PARVA: variants seen among roughly 807,000 people sequenced by gnomAD.
The protein encoded by PARVA is alpha-parvin.
A neutral mutation model predicts 52.6 loss-of-function variants in PARVA; 25 were observed. The ratio of observed to expected loss-of-function variants is 0.48; its 90% CI spans 0.35 to 0.66. The LOEUF (loss-of-function observed/expected upper bound fraction) is 0.66, where lower values mean the gene tolerates loss of function less well. PARVA is among the 30% of genes least tolerant of loss of function. The pLI is 0.01. For missense variants in PARVA, 373 were observed against 450.9 expected (o/e 0.83, Z 1.56); for synonymous variants, 185 against 179.1 (o/e 1.03, Z -0.26).
chr11:12,466,993 A>G (rs1264661048), intron 1 of PARVA, among the ~76,000 whole-genome samples: 1 of 152,220 alleles, frequency 6.6e-6, no homozygotes, highest in Non-Finnish European at 1.5e-5. Flanking sequence ...TTGAAATCTT[A>G]AGTTTTCCAG....
chr11:12,529,869 G>A lies in PARVA; in HGVS notation c.*1944G>A, dbSNP rs1357054313. ...AATACAATTCTTTTTTACATAATTAGTGAAATTTTATTTTTTATTAGGAAA... is the reference window on the plus strand; with the variant it reads ...AATACAATTCTTTTTTACATAATTAATGAAATTTTATTTTTTATTAGGAAA... On this transcript the variant is annotated 3_prime_UTR_variant, in exon 13 of 13. Coordinates refer to ENST00000334956, the MANE Select transcript of PARVA (RefSeq NM_018222.5). The A allele has an allele frequency of 6.6e-6, 1 of 152,070 alleles. No homozygotes were observed. Among genetic ancestry groups the A allele is most frequent in the Non-Finnish European group, 1.5e-5 (1 of 68,020 alleles). The allele number at this position is 152,070 out of a possible 1,614,324, so 9.4% of individuals were successfully genotyped here.
At chr11:12,517,313 A>ACCCCCCCCCCCCT (rs1405572031) in intron 10 of PARVA, among the ~76,000 whole-genome samples, 1 of 66,216 alleles carries the variant, frequency 1.5e-5, no homozygotes, top group Non-Finnish European at 3.2e-5. Flanking sequence ...ACCACCCCCC[A>ACCCCCCCCCCCCT]CCCCCCACCC....
At chr11:12,391,184 A>C (rs1939653214) in intron 1 of PARVA, among the ~76,000 whole-genome samples, 1 of 152,144 alleles carries the variant, frequency 6.6e-6, no homozygotes, top group Admixed American at 6.5e-5. Context: ...CCCAGATTTC[A>C]CACCTTGTAA....
chr11:12,402,786 G>A (rs984504857), intron 1 of PARVA, among the ~76,000 whole-genome samples: 1 of 152,176 alleles, frequency 6.6e-6, no homozygotes, highest in Non-Finnish European at 1.5e-5. Flanking sequence ...ACACACATAC[G>A]TAAGAAGGAG....
intron 5 of PARVA, among the ~76,000 whole-genome samples, chr11:12,502,308 T>G (rs562735980): frequency 1.3e-5 from 2 of 152,316 alleles, no homozygotes; most frequent in Admixed American, 6.5e-5. Context: ...CTTTTCTTAG[T>G]GATTTCTCAA....
intron 1 of PARVA, among the ~76,000 whole-genome samples, chr11:12,462,734 G>A (rs567363150): frequency 4.6e-5 from 7 of 152,262 alleles, no homozygotes; most frequent in African/African-American, 7.2e-5. Flanking sequence ...AAAGACCACC[G>A]AACTTTCAGT....
At chr11:12,446,143 C>G (rs1240959372) in intron 1 of PARVA, among the ~76,000 whole-genome samples, 2 of 152,064 alleles carry the variant, frequency 1.3e-5, no homozygotes, top group Non-Finnish European at 2.9e-5. Flanking sequence ...AACATGACAT[C>G]TAAAAACATA....
chr11:12,436,147 G>A (rs533966799), intron 1 of PARVA, among the ~76,000 whole-genome samples: 14 of 152,220 alleles, frequency 9.2e-5, no homozygotes, highest in Non-Finnish European at 1.8e-4. Context: ...AAAATAGATA[G>A]CAATATCTCC....
At chr11:12,499,815 T>G (rs890373204) in intron 5 of PARVA, among the ~76,000 whole-genome samples, 1 of 152,146 alleles carries the variant, frequency 6.6e-6, no homozygotes, top group Non-Finnish European at 1.5e-5. Context: ...ATTTTATATA[T>G]GTATATATAA....
chr11:12,458,158 G>A (rs1291946216), intron 1 of PARVA, among the ~76,000 whole-genome samples: 2 of 152,208 alleles, frequency 1.3e-5, no homozygotes, highest in Non-Finnish European at 1.5e-5. Flanking sequence ...CTGTGATCAC[G>A]ATTGTATTAA....
chr11:12,489,178 AAAAG>A (rs140622533), intron 4 of PARVA, among the ~76,000 whole-genome samples: 2,626 of 151,996 alleles, frequency 0.017, 71 homozygotes, highest in African/African-American at 0.059. Flanking sequence ...AAAAAAAAGA[AAAAG>A]AAAAAAAGTG....
chr11:12,402,139 G>A (rs562793736), intron 1 of PARVA, among the ~76,000 whole-genome samples: 1 of 152,256 alleles, frequency 6.6e-6, no homozygotes, highest in Non-Finnish European at 1.5e-5. Context: ...GGTTTGAAGG[G>A]AACCAATGAG....
At position 12,523,999 on chromosome 11, in the gene PARVA, C is replaced by T. The variant is rs16911457; in HGVS notation, c.1043-3850C>T. ...CAGGTCTTGGCTTTCTTGATAAGAA[C>T]AGGTGATAAGTGATAGGCAGTGTCT... On this transcript the variant is annotated intron_variant, in intron 12 of 12. Transcript: ENST00000334956. Among the ~76,000 whole-genome samples, 1,380 of 152,318 alleles carry T rather than the reference C, an allele frequency of 9.1e-3. 18 individuals carry two copies. The highest frequency in any genetic ancestry group is 0.031 in the African/African-American group (1,292 of 41,576).
At chr11:12,471,393 A>G (rs1940932519) in intron 1 of PARVA, among the ~76,000 whole-genome samples, 1 of 152,084 alleles carries the variant, frequency 6.6e-6, no homozygotes. Context: ...TTTAACTTTA[A>G]GTTCAGGGGT....
chr11:12,535,148 C>G lies in PARVA; in HGVS notation c.*7223C>G, dbSNP rs764041890. 1.9e-4 allele frequency among the ~76,000 whole-genome samples: 29 copies of G among 152,178 alleles called. No individual in the cohort carries two copies. The highest frequency in any genetic ancestry group is 3.7e-4 in the Non-Finnish European group (25 of 68,040). On this transcript the variant is annotated 3_prime_UTR_variant, in exon 13 of 13. Coordinates refer to ENST00000334956, the MANE Select transcript of PARVA (RefSeq NM_018222.5). ...CATCATTGGTTCTCCCAGCTCACTT[C>G]CATAATGTCCTCCTAGGCTGCATTG...
chr11:12,504,719 G>A (rs927099267), intron 6 of PARVA, among the ~76,000 whole-genome samples: 6 of 151,652 alleles, frequency 4.0e-5, no homozygotes, highest in Admixed American at 1.3e-4. Flanking sequence ...TGTAGATGAG[G>A]GTGTGCGGTA....
intron 1 of PARVA, among the ~76,000 whole-genome samples, chr11:12,397,054 C>T (rs911039137): frequency 4.0e-5 from 6 of 151,610 alleles, no homozygotes; most frequent in South Asian, 2.1e-4. Flanking sequence ...TTTTCACGTA[C>T]CTATTTGTCC....
At chr11:12,461,390 G>T (rs917198009) in intron 1 of PARVA, among the ~76,000 whole-genome samples, 1 of 152,122 alleles carries the variant, frequency 6.6e-6, no homozygotes, top group Admixed American at 6.5e-5. Context: ...GCACACCCAC[G>T]CACAAAGGCA....
Position 12,492,189 on chromosome 11 carries a change from G to A in PARVA, c.401-4269G>A, listed in dbSNP as rs557136934. Among the ~76,000 whole-genome samples, 8 of 152,170 alleles carry A rather than the reference G, an allele frequency of 5.3e-5. No homozygotes were observed. The South Asian group carries it at 8.3e-4, about 16-fold the overall frequency. ...AGTTTATTCTGCCTTGTCTTTATGC[G>A]TCAGAACTTTTGACTACTGTTTCAT... On this transcript the variant is annotated intron_variant, in intron 4 of 12. Coordinates refer to ENST00000334956, the MANE Select transcript of PARVA (RefSeq NM_018222.5).
Sources: allele counts gnomAD v4.1 joint callset (sites outside exome capture counted in the v4.1 genomes callset), GRCh38; gene constraint gnomAD v4.1.1; transcripts MANE v1.5; gene names NCBI Gene and HGNC (gene_info 2026-07-23, HGNC 2026-07-21).